The following DMD variants were observed in gnomAD, a reference collection of about 807,000 sequenced individuals.
DMD encodes dystrophin.
In DMD, 63 loss-of-function variants were observed where a neutral mutation model predicts 330.1. The ratio of observed to expected loss-of-function variants is 0.19; its 90% CI spans 0.16 to 0.24. The LOEUF is 0.24. DMD is among the 10% of genes least tolerant of loss of function. DMD has a pLI of 1.00. For synonymous variants in DMD, 1,223 were observed against 959.8 expected (o/e 1.27, Z -5.07); for missense variants, 3,344 against 2,684.1 (o/e 1.25, Z -5.43).
intron 30 of DMD, among the ~76,000 whole-genome samples, chrX:32,411,078 G>A (rs1050990480): frequency 1.8e-5 from 2 of 111,614 alleles, no homozygotes; most frequent in Non-Finnish European, 3.8e-5. Flanking sequence ...GACTAAACGA[G>A]GAGTTTATAA....
At chrX:32,436,546 T>C (rs2098262066) in intron 29 of DMD, among the ~76,000 whole-genome samples, 2 of 111,883 alleles carry the variant, frequency 1.8e-5, no homozygotes, top group African/African-American at 3.2e-5. Context: ...TAGAAGGTTA[T>C]AAGTAGTTTT....
At chrX:32,164,100 C>T (rs1332539801) in intron 44 of DMD, among the ~76,000 whole-genome samples, 1 of 110,996 alleles carries the variant, frequency 9.0e-6, no homozygotes, top group Admixed American at 9.7e-5. Context: ...TGGCTCGGCA[C>T]AATGGACCAT....
intron 44 of DMD, among the ~76,000 whole-genome samples, chrX:32,155,948 G>A (rs2096827858): frequency 9.9e-6 from 1 of 100,819 alleles, no homozygotes; most frequent in African/African-American, 3.6e-5. Flanking sequence ...TAATAAGAGT[G>A]TGTGTGTGTA....
At chrX:31,777,666 A>T (rs2090753180) in intron 50 of DMD, among the ~76,000 whole-genome samples, 1 of 111,496 alleles carries the variant, frequency 9.0e-6, no homozygotes, top group Non-Finnish European at 1.9e-5. Context: ...AAGGAATTAT[A>T]CTATGCCTGC....
At chrX:32,696,996 T>C (rs1268460018) in intron 9 of DMD, among the ~76,000 whole-genome samples, 1 of 111,852 alleles carries the variant, frequency 8.9e-6, no homozygotes, top group Non-Finnish European at 1.9e-5. Context: ...TCTCCAAAAA[T>C]GTACACATTT....
At chrX:31,659,175 G>T (rs1479949668) in intron 53 of DMD, among the ~76,000 whole-genome samples, 3 of 111,742 alleles carry the variant, frequency 2.7e-5, no homozygotes, top group African/African-American at 9.8e-5. Context: ...ACGTATTACT[G>T]CTGGGGACCG....
chrX:32,762,900 G>A (rs755924659), intron 7 of DMD, among the ~76,000 whole-genome samples: 1 of 111,950 alleles, frequency 8.9e-6, no homozygotes, highest in Non-Finnish European at 1.9e-5. Flanking sequence ...GACTGCTTAG[G>A]AAGTTACTGC....
At position 31,697,878 on chromosome X, in the gene DMD, G is replaced by A. The variant is rs369544570; in HGVS notation, c.7661-18292C>T. Among the ~76,000 whole-genome samples, 4 of 111,756 alleles carry A rather than the reference G, an allele frequency of 3.6e-5. 1 individual carries two copies. The East Asian group carries it at 8.4e-4, about 24-fold the overall frequency. On this transcript the variant is annotated intron_variant, in intron 52 of 78. Transcript: ENST00000357033. ...TCTTGGGTTATAACCCTGGATTAGCGATGAAATAGTGGATTTAAATGGGAA... is the reference window on the plus strand; with the variant it reads ...TCTTGGGTTATAACCCTGGATTAGCAATGAAATAGTGGATTTAAATGGGAA...
At chrX:31,757,293 T>A (rs1386232094) in intron 51 of DMD, among the ~76,000 whole-genome samples, 1 of 111,574 alleles carries the variant, frequency 9.0e-6, no homozygotes, top group East Asian at 2.8e-4. Context: ...GGCAATTTAA[T>A]TTTTTCCTGC....
In DMD at chrX:33,200,832, A is replaced by C. The variant is rs775303784; in HGVS notation, c.31+10450T>G. Among the ~76,000 whole-genome samples, 40 of 109,306 alleles carry C rather than the reference A, an allele frequency of 3.7e-4. No individual in the cohort carries two copies. In the South Asian group the frequency reaches 4.7e-3, roughly 13 times the overall value. The allele number at this position is 109,306 out of a possible 115,157, so 94.9% of individuals were successfully genotyped here. A position where few individuals can be genotyped will look rare whatever the true frequency, so the allele number is the denominator to read the frequency against. On this transcript the variant is annotated intron_variant, in intron 1 of 78. Transcript: ENST00000357033. ...AAGATGCATTTTAAATAAATGTTAA[A>C]ATTTATATTATCCTGATAGTTTTAT...
intron 13 of DMD, among the ~76,000 whole-genome samples, chrX:32,593,483 G>C (rs1231027462): frequency 1.8e-5 from 2 of 111,823 alleles, no homozygotes; most frequent in African/African-American, 3.3e-5. Context: ...GCCTATCATA[G>C]TGACCATGGA....
At chrX:31,264,607 C>A (rs775883045) in intron 62 of DMD, among the ~76,000 whole-genome samples, 36 of 111,899 alleles carry the variant, frequency 3.2e-4, no homozygotes, top group Non-Finnish European at 6.2e-4. Context: ...ACGAAGATTT[C>A]CCCTCTCCTT....
Position 31,370,872 on chromosome X carries a change from T to C in DMD, c.9085-22238A>G, listed in dbSNP as rs143041117. On this transcript the variant is annotated intron_variant, in intron 60 of 78. Transcript: ENST00000357033. ...TAAAAAGGAAACAAGTCTTGCTGCA[T>C]ATAAAAAGAGAAATCTCTAGGGAAT... 1.5e-4 allele frequency among the ~76,000 whole-genome samples: 17 copies of C among 112,140 alleles called. No individual in the cohort carries two copies. In the South Asian group the frequency reaches 5.5e-3, roughly 37 times the overall value.
At chrX:31,660,562 A>T (rs953819595) in intron 53 of DMD, among the ~76,000 whole-genome samples, 1 of 112,170 alleles carries the variant, frequency 8.9e-6, no homozygotes, top group African/African-American at 3.2e-5. Context: ...ATGAACATCC[A>T]CAAAACTGAG....
Position 32,821,598 on chromosome X carries a change from T to TA in DMD, c.357+1696dup, listed in dbSNP as rs1030167421. ...GCAAGACTCTGTCTCAAAATAAAAA[T>TA]AAAAAAAAATAAAAATAAAAAATAA... On this transcript the variant is annotated intron_variant, in intron 5 of 78. Transcript: ENST00000357033. 4.1e-4 allele frequency among the ~76,000 whole-genome samples: 42 copies of TA among 102,559 alleles called. No homozygotes were observed. In the South Asian group the frequency reaches 5.5e-3, roughly 14 times the overall value. 89.1% of individuals were successfully genotyped at this position (102,559 alleles called of 115,157 possible).
chrX:31,811,818 G>T (rs1168355253), intron 50 of DMD, among the ~76,000 whole-genome samples: 4 of 111,541 alleles, frequency 3.6e-5, no homozygotes, highest in Non-Finnish European at 3.8e-5. Flanking sequence ...ACCTGAAGCA[G>T]AATCAACAGT....
intron 44 of DMD, among the ~76,000 whole-genome samples, chrX:32,115,299 G>A (rs970859969): frequency 2.7e-5 from 3 of 111,589 alleles, no homozygotes; most frequent in African/African-American, 9.8e-5. Flanking sequence ...GCAGCGGTGT[G>A]ATCACGGCTC....
At position 31,444,514 on chromosome X, in the gene DMD, C is replaced by T. The variant is rs772255929; in HGVS notation, c.9051G>A (p.Leu3017=). 4.1e-6 allele frequency: 5 copies of T among 1,209,947 alleles called. No homozygotes were observed. The highest frequency in any genetic ancestry group is 4.5e-6 in the Non-Finnish European group (4 of 895,255). The stretch of plus-strand genomic sequence containing the variant: ...GCTTCCATCTGGTGTTCAGGTCTTC[C>T]AGAGTGCTGAGGTTATACGGTGAGA... ...IQLSPYNLST[L]EDLNTRWKLL... The change falls in exon 60 of 79, where the codon CTG becomes CTA. Residue 3017 remains leucine (L), a synonymous_variant. Coordinates refer to ENST00000357033, the MANE Select transcript of DMD (RefSeq NM_004006.3).
chrX:31,885,447 A>G lies in DMD; in HGVS notation c.6913-10074T>C, dbSNP rs1259783038. Among the ~76,000 whole-genome samples the G allele has an allele frequency of 2.7e-5, 3 of 109,268 alleles. No individual in the cohort carries two copies. The East Asian group carries it at 8.7e-4, about 32-fold the overall frequency. 94.9% of individuals were successfully genotyped at this position (109,268 alleles called of 115,157 possible). A position where few individuals can be genotyped will look rare whatever the true frequency, so the allele number is the denominator to read the frequency against. On this transcript the variant is annotated intron_variant, in intron 47 of 78. Transcript: ENST00000357033. ...AACACGGTGAAACCCCGTCTCTACT[A>G]AAAATACAAAAAATTAGCCGGGCAT...
Sources: gnomAD v4.1 joint callset for allele counts (sites outside exome capture counted in the v4.1 genomes callset) on GRCh38, gnomAD v4.1.1 for gene constraint, MANE v1.5 for transcripts, NCBI Gene and HGNC (gene_info 2026-07-23, HGNC 2026-07-21) for gene names.